MAP2K5: variants seen among roughly 807,000 people sequenced by gnomAD.
The protein encoded by MAP2K5 is mitogen-activated protein kinase kinase 5, also known as dual specificity mitogen-activated protein kinase kinase 5.
Under a neutral mutation model 83.1 loss-of-function variants are expected in MAP2K5, and 49 were observed. That is an observed-to-expected ratio of 0.59 (90% CI 0.47 to 0.75). The LOEUF is 0.75. MAP2K5 is among the 30% of genes least tolerant of loss of function. MAP2K5 has a pLI of 0.00. For synonymous variants in MAP2K5, 202 were observed against 191.8 expected (o/e 1.05, Z -0.44); for missense variants, 457 against 557.5 (o/e 0.82, Z 1.82).
At position 67,774,749 on chromosome 15, in the gene MAP2K5, G is replaced by A. The variant is rs2141308217; in HGVS notation, c.1242+1997G>A. On this transcript the variant is annotated intron_variant, in intron 21 of 21. Transcript: ENST00000178640. The surrounding 1 kb of genome is among the most constrained non-coding windows in gnomAD (Gnocchi z 4.9). The stretch of plus-strand genomic sequence containing the variant: ...AATGCATGAACTATAGAGCCCATTT[G>A]TCACCTGGGTGGGGGCCTGTGCCTT... Among the ~76,000 whole-genome samples, 1 of 152,306 alleles carries A rather than the reference G, an allele frequency of 6.6e-6. No individual in the cohort carries two copies. Among genetic ancestry groups the A allele is most frequent in the African/African-American group, 2.4e-5 (1 of 41,572 alleles).
At position 67,717,392 on chromosome 15, in the gene MAP2K5, A is replaced by G. The variant is rs753989723; in HGVS notation, c.1045-10524A>G. On this transcript the variant is annotated intron_variant, in intron 16 of 21. Transcript: ENST00000178640. This position sits in a 1 kb window ranked among gnomAD's most constrained non-coding sequence, Gnocchi z 4.1. ...TCATCTAATTAGTAAATATTTATCA[A>G]GTACTACCCAGTGTTGGCAGTAAGG... is the stretch of plus-strand genomic sequence containing the variant. Among the ~76,000 whole-genome samples, 1 of 152,232 alleles carries G rather than the reference A, an allele frequency of 6.6e-6. No individual in the cohort carries two copies. The highest frequency in any genetic ancestry group is 1.5e-5 in the Non-Finnish European group (1 of 68,040).
chr15:67,606,227 A>G (rs537735431), intron 8 of MAP2K5, among the ~76,000 whole-genome samples: 11 of 152,292 alleles, frequency 7.2e-5, no homozygotes, highest in African/African-American at 1.9e-4. Flanking sequence ...CAATCACTGA[A>G]AGATTATCTT....
intron 12 of MAP2K5, among the ~76,000 whole-genome samples, chr15:67,660,418 G>C (rs1227210473): frequency 6.6e-6 from 1 of 152,082 alleles, no homozygotes; most frequent in Non-Finnish European, 1.5e-5. Context: ...CTAGCAAATT[G>C]ATGGGCTGTG....
intron 15 of MAP2K5, among the ~76,000 whole-genome samples, chr15:67,695,196 A>G (rs1428360970): frequency 6.6e-6 from 1 of 152,048 alleles, no homozygotes; most frequent in Non-Finnish European, 1.5e-5. Flanking sequence ...CCAGCATGGC[A>G]CATGTATACA....
intron 2 of MAP2K5, among the ~76,000 whole-genome samples, chr15:67,557,357 A>G (rs1420102877): frequency 1.1e-4 from 16 of 152,206 alleles, no homozygotes; most frequent in Admixed American, 9.2e-4. Flanking sequence ...TATAAAAACC[A>G]TGTGGTTTCA....
At chr15:67,654,978 T>C (rs2087034517) in intron 11 of MAP2K5, among the ~76,000 whole-genome samples, 1 of 151,280 alleles carries the variant, frequency 6.6e-6, no homozygotes, top group African/African-American at 2.4e-5. Flanking sequence ...GGCTGGAGAA[T>C]AGCTTGAATC....
In MAP2K5 at chr15:67,605,333, G is replaced by T. The variant is rs547687452; in HGVS notation, c.545+4584G>T. Among the ~76,000 whole-genome samples, 35 of 151,320 alleles carry T rather than the reference G, an allele frequency of 2.3e-4. No individual in the cohort carries two copies. In the South Asian group the frequency reaches 5.2e-3, roughly 23 times the overall value. ...CTCCCAAAGTGCTGGGATTATAGGC[G>T]TGAATCACCACCCCCAGCCAGCCAT... On this transcript the variant is annotated intron_variant, in intron 8 of 21. Transcript: ENST00000178640.
At chr15:67,706,770 G>C (rs2088564954) in intron 16 of MAP2K5, among the ~76,000 whole-genome samples, 1 of 152,114 alleles carries the variant, frequency 6.6e-6, no homozygotes, top group Non-Finnish European at 1.5e-5. Flanking sequence ...AATAGTGTAA[G>C]GCCCCTGGCA....
intron 4 of MAP2K5, 82 bp from the exon 5 acceptor site, chr15:67,585,808 C>T (rs2085276560): frequency 8.2e-7 from 1 of 1,223,104 alleles, no homozygotes; most frequent in Admixed American, 1.7e-5. Context: ...GTGTCACCCT[C>T]ATTTCTTTTT....
Position 67,692,480 on chromosome 15 carries a change from C to G in MAP2K5, c.849C>G (p.Asp283Glu), listed in dbSNP as rs55966838. 3 of 1,612,632 alleles carry G rather than the reference C, an allele frequency of 1.9e-6. No homozygotes were observed. Among genetic ancestry groups the G allele is most frequent in the Non-Finnish European group, 2.5e-6 (3 of 1,178,974 alleles). ...TGGCCTTTTCTGGTCCCTTTTTAGA[C>G]GTGAAGCCCTCCAATATGCTAGTAA... ...YLWSLKILHR[D>E]VKPSNMLVNT... Residue 283 changes from aspartate (D) to glutamate (E), a missense_variant and splice_region_variant, in exon 14 of 22, where the codon GAC becomes GAG. By Grantham distance (45) the Asp-to-Glu change is conservative. Transcript: ENST00000178640.
chr15:67,586,851 T>C lies in MAP2K5; in HGVS notation c.369T>C (p.Asn123=), dbSNP rs2085302329. 1.9e-6 allele frequency: 3 copies of C among 1,614,104 alleles called. No individual in the cohort carries two copies. Among genetic ancestry groups the C allele is most frequent in the Non-Finnish European group, 2.5e-6 (3 of 1,179,988 alleles). The change falls in exon 6 of 22, where the codon AAT becomes AAC. Residue 123 remains asparagine (N), a synonymous_variant. Transcript: ENST00000178640. ...GATTCTTTCTTTACTTATAGGTGAA[T>C]ACTCGGGCCGGACCCTCTCAACACA... ...GERNIHGLKV[N]TRAGPSQHSS...
intron 11 of MAP2K5, among the ~76,000 whole-genome samples, chr15:67,651,928 A>G (rs1243939945): frequency 5.9e-5 from 9 of 152,174 alleles, no homozygotes; most frequent in Admixed American, 5.2e-4. Flanking sequence ...AGTTTTTTTG[A>G]GGAATTTCCA....
intron 13 of MAP2K5, among the ~76,000 whole-genome samples, chr15:67,684,432 A>G (rs2087896755): frequency 6.6e-6 from 1 of 152,202 alleles, no homozygotes; most frequent in South Asian, 2.1e-4. Flanking sequence ...CAGCCTCAAA[A>G]TGATTCAGCT....
chr15:67,585,907 G>A lies in MAP2K5; in HGVS notation c.340G>A (p.Glu114Lys). 6 of 1,613,940 alleles carry A rather than the reference G, an allele frequency of 3.7e-6. No individual in the cohort carries two copies. The highest frequency in any genetic ancestry group is 5.1e-6 in the Non-Finnish European group (6 of 1,179,836). Residue 114 changes from glutamate to lysine, a missense_variant, in exon 5 of 22, where the codon GAA becomes AAA. Glu to Lys is a moderately conservative substitution (Grantham distance 56). Coordinates refer to ENST00000178640, the MANE Select transcript of MAP2K5 (RefSeq NM_145160.3). ...IFPRACKPPG[E>K]RNIHGLKVNT... ...TGTTTCAGCCTGCAAGCCTCCTGGG[G>A]AACGGAACATACATGGCCTGAAGGT... is the stretch of plus-strand genomic sequence containing the variant.
intron 8 of MAP2K5, among the ~76,000 whole-genome samples, chr15:67,612,529 A>C (rs2085950260): frequency 2.6e-5 from 4 of 152,106 alleles, no homozygotes; most frequent in Admixed American, 2.6e-4. Flanking sequence ...ATTCCTTCTT[A>C]TTATTGGTTT....
intron 21 of MAP2K5, among the ~76,000 whole-genome samples, chr15:67,800,617 C>T (rs759483686): frequency 2.6e-5 from 4 of 152,136 alleles, no homozygotes; most frequent in Non-Finnish European, 4.4e-5. Flanking sequence ...TCATATGAAT[C>T]GTTTATGGTA....
At chr15:67,718,993 G>A (rs543887622) in intron 16 of MAP2K5, among the ~76,000 whole-genome samples, 216 of 152,148 alleles carry the variant, frequency 1.4e-3, no homozygotes, top group South Asian at 2.1e-3. Flanking sequence ...TGAATTACTA[G>A]AATTTTATTC....
chr15:67,729,769 C>CA (rs990806165), intron 17 of MAP2K5, among the ~76,000 whole-genome samples: 16 of 151,522 alleles, frequency 1.1e-4, no homozygotes, highest in East Asian at 3.9e-4. Context: ...GTCTCAAAAA[C>CA]AAAAAAAAGA....
At chr15:67,805,429 A>C (rs1273697300) in intron 21 of MAP2K5, among the ~76,000 whole-genome samples, 1 of 152,220 alleles carries the variant, frequency 6.6e-6, no homozygotes, top group Non-Finnish European at 1.5e-5. Context: ...GCCAGGGTCC[A>C]CATCCCTCCT....
Sources: gnomAD v4.1 joint callset for allele counts (sites outside exome capture counted in the v4.1 genomes callset) on GRCh38, gnomAD v4.1.1 for gene constraint, Gnocchi (gnomAD v3.1) non-coding constraint, MANE v1.5 for transcripts, NCBI Gene and HGNC (gene_info 2026-07-23, HGNC 2026-07-21) for gene names.